Variants in ZFAT observed in about 807,000 individuals in gnomAD.
The protein encoded by ZFAT is zinc finger and AT-hook domain containing.
Under a neutral mutation model 117.7 loss-of-function variants are expected in ZFAT, and 64 were observed. The ratio of observed to expected loss-of-function variants is 0.54; its 90% confidence interval spans 0.44 to 0.67. ZFAT has a LOEUF of 0.67. Among genes scored for constraint, ZFAT ranks in the 30% least tolerant of loss-of-function variants. ZFAT has a pLI of 0.00. For synonymous variants in ZFAT, 679 were observed against 615.0 expected (o/e 1.10, Z -1.54); for missense variants, 1,433 against 1,584.5 (o/e 0.90, Z 1.62).
At chr8:134,713,241 AGC>A (rs1273302084), upstream of ZFAT, among the ~76,000 whole-genome samples, 1 of 151,750 alleles carries the variant, frequency 6.6e-6, no homozygotes, top group African/African-American at 2.4e-5. Context: ...GGAGGTCCGG[AGC>A]GCGGATCTCG....
chr8:134,591,602 T>C (rs907030920), intron 7 of ZFAT, among the ~76,000 whole-genome samples: 7 of 152,206 alleles, frequency 4.6e-5, no homozygotes, highest in African/African-American at 1.7e-4. Context: ...TATTTGGAGA[T>C]AGGGTCTTTA....
chr8:134,614,705 T>C (rs1032308635), intron 3 of ZFAT, among the ~76,000 whole-genome samples: 2 of 151,798 alleles, frequency 1.3e-5, no homozygotes, highest in African/African-American at 2.4e-5. Flanking sequence ...ATGGGTAGAG[T>C]CTCCTGCAAT....
chr8:134,497,996 G>T (rs1326945738), intron 15 of ZFAT, among the ~76,000 whole-genome samples: 2 of 146,966 alleles, frequency 1.4e-5, no homozygotes, highest in African/African-American at 5.1e-5. Flanking sequence ...CCCGCTGCTG[G>T]TTACACACAG....
chr8:134,510,184 T>C (rs543040294), intron 14 of ZFAT: 50 of 455,742 alleles, frequency 1.1e-4, no homozygotes, highest in African/African-American at 9.2e-4. Flanking sequence ...CCACAAGTTA[T>C]GGGCAAAACA....
At chr8:134,669,549 T>C (rs1289498612) in intron 1 of ZFAT, among the ~76,000 whole-genome samples, 3 of 152,116 alleles carry the variant, frequency 2.0e-5, no homozygotes, top group East Asian at 3.9e-4. Context: ...GACAAGCAAA[T>C]GCTGAGAGAT....
chr8:134,591,155 A>G (rs1216140465), intron 7 of ZFAT, among the ~76,000 whole-genome samples: 1 of 152,222 alleles, frequency 6.6e-6, no homozygotes, highest in Non-Finnish European at 1.5e-5. Flanking sequence ...ATTGCATGGC[A>G]AGTGATTTTA....
the ZFAT span, among the ~76,000 whole-genome samples, chr8:134,768,946 G>A: frequency 6.6e-6 from 1 of 152,284 alleles, no homozygotes; most frequent in East Asian, 1.9e-4. Flanking sequence ...GCTGAGGTGG[G>A]CAGATTGCTT....
At chr8:134,501,087 G>A (rs1161222636) in intron 15 of ZFAT, among the ~76,000 whole-genome samples, 3 of 152,204 alleles carry the variant, frequency 2.0e-5, no homozygotes, top group African/African-American at 7.2e-5. Context: ...AAAGTCATCA[G>A]TGAGACTTCA....
rs575685323 is a variant in ZFAT, at chr8:134,637,788, G to A, written c.197-76C>T. On this transcript the variant is annotated intron_variant, in intron 2 of 15. Transcript: ENST00000377838. ...GGGTTCACAATCACCCTCCAAGTGT[G>A]AGGATATGTTCAGGTTTCACGTTTC... 47 of 1,539,402 alleles carry A rather than the reference G, an allele frequency of 3.1e-5. No homozygotes were observed. In the African/African-American group the frequency reaches 5.3e-4, roughly 18 times the overall value.
At chr8:134,617,651 T>C (rs1828839151) in intron 3 of ZFAT, among the ~76,000 whole-genome samples, 1 of 152,180 alleles carries the variant, frequency 6.6e-6, no homozygotes, top group Non-Finnish European at 1.5e-5. Flanking sequence ...CTGTCTACAC[T>C]ACCTGTGAAC....
At chr8:134,502,415 C>T (rs930892030) in intron 15 of ZFAT, among the ~76,000 whole-genome samples, 2 of 152,258 alleles carry the variant, frequency 1.3e-5, no homozygotes, top group Non-Finnish European at 2.9e-5. Flanking sequence ...TGTATATGGT[C>T]TCCACTGAAG....
intron 11 of ZFAT, among the ~76,000 whole-genome samples, chr8:134,561,715 G>A (rs930664208): frequency 6.6e-6 from 1 of 152,116 alleles, no homozygotes; most frequent in Non-Finnish European, 1.5e-5. Context: ...AATCACAATT[G>A]ATTAGTAGCA....
At chr8:134,652,430 T>G (rs7000796) in intron 2 of ZFAT, among the ~76,000 whole-genome samples, 67,150 of 152,038 alleles carry the variant, frequency 0.44, 14,953 homozygotes, top group South Asian at 0.6. Context: ...TGGATGCAGA[T>G]CCAAGGACTG....
chr8:134,792,064 T>C, the ZFAT span: 1 of 152,156 alleles, frequency 6.6e-6, no homozygotes, highest in Non-Finnish European at 1.5e-5. Flanking sequence ...GTAAAATTGG[T>C]AGAATAGAAA....
chr8:134,529,181 T>G (rs1011426885), intron 12 of ZFAT, among the ~76,000 whole-genome samples: 1 of 152,128 alleles, frequency 6.6e-6, no homozygotes, highest in Non-Finnish European at 1.5e-5. Context: ...GTCATTCCAA[T>G]AACCTAGAGA....
intron 1 of ZFAT, among the ~76,000 whole-genome samples, chr8:134,668,937 G>A (rs1259336795): frequency 6.6e-6 from 1 of 152,166 alleles, no homozygotes; most frequent in East Asian, 1.9e-4. Flanking sequence ...ACCATGGCAG[G>A]AGAACTACAT....
At chr8:134,794,225 T>C in the ZFAT span, 1 of 152,248 alleles carries the variant, frequency 6.6e-6, no homozygotes, top group South Asian at 2.1e-4. Flanking sequence ...GGTTAGCTAA[T>C]ATTTAATATA....
chr8:134,822,385 T>A, the ZFAT span, among the ~76,000 whole-genome samples: 2 of 152,246 alleles, frequency 1.3e-5, no homozygotes, highest in African/African-American at 4.8e-5. Flanking sequence ...CCATATGTTC[T>A]CTGCATACTC....
the ZFAT span, among the ~76,000 whole-genome samples, chr8:134,769,002 A>G: frequency 6.6e-6 from 1 of 152,116 alleles, no homozygotes; most frequent in Non-Finnish European, 1.5e-5. Flanking sequence ...ATGAAACCCC[A>G]TCTCTACAAA....
Sources: allele counts gnomAD v4.1 joint callset (sites outside exome capture counted in the v4.1 genomes callset), GRCh38; gene constraint gnomAD v4.1.1; transcripts MANE v1.5; gene names NCBI Gene and HGNC (gene_info 2026-07-23, HGNC 2026-07-21).